Variants in PTPRN2 observed in about 807,000 individuals in gnomAD.
The protein encoded by PTPRN2 is protein tyrosine phosphatase receptor type N2, also known as receptor-type tyrosine-protein phosphatase N2.
A neutral mutation model predicts 118.8 loss-of-function variants in PTPRN2; 74 were observed. The ratio of observed to expected loss-of-function variants is 0.62; its 90% CI spans 0.52 to 0.76. The LOEUF is 0.76. PTPRN2 is among the 30% of genes least tolerant of loss of function. PTPRN2 has a pLI of 0.00. For missense variants in PTPRN2, 1,481 were observed against 1,394.4 expected (o/e 1.06, Z -0.99); for synonymous variants, 641 against 608.0 (o/e 1.05, Z -0.80).
chr7:158,150,042 G>C (rs567321584), intron 6 of PTPRN2, among the ~76,000 whole-genome samples: 2 of 152,178 alleles, frequency 1.3e-5, no homozygotes, highest in East Asian at 3.8e-4. Context: ...TGGCATCAAG[G>C]GCATGAATGA....
chr7:157,794,147 G>T lies in PTPRN2; in HGVS notation c.1788+104526C>A, dbSNP rs1804706355. Among the ~76,000 whole-genome samples, 1 of 151,190 alleles carries T rather than the reference G, an allele frequency of 6.6e-6. No homozygotes were observed. The highest frequency in any genetic ancestry group is 2.4e-5 in the African/African-American group (1 of 41,036). ...GGGCTCGCACCTCCCCTCGTTCTCT[G>T]CTCTGACCCGGGCTCGCACCTCTCC... On this transcript the variant is annotated intron_variant, in intron 12 of 22. Transcript: ENST00000389418. This position sits in a 1 kb window ranked among gnomAD's most constrained non-coding sequence, Gnocchi z 5.2.
At chr7:158,495,286 C>A (rs1304704260) in intron 1 of PTPRN2, among the ~76,000 whole-genome samples, 1 of 152,204 alleles carries the variant, frequency 6.6e-6, no homozygotes, top group East Asian at 1.9e-4. Context: ...ACGAACGCAT[C>A]ATCATAGAAA....
At chr7:158,564,092 G>A (rs1827538562) in intron 1 of PTPRN2, among the ~76,000 whole-genome samples, 1 of 152,228 alleles carries the variant, frequency 6.6e-6, no homozygotes, top group Admixed American at 6.5e-5. Flanking sequence ...TGAGTTAACT[G>A]TTGCCATACG....
At chr7:158,014,687 C>A (rs1204189241) in intron 11 of PTPRN2, among the ~76,000 whole-genome samples, 2 of 151,506 alleles carry the variant, frequency 1.3e-5, no homozygotes, top group African/African-American at 4.9e-5. Flanking sequence ...CCATCCATTT[C>A]TCCCTCTGTC....
chr7:158,413,555 C>T (rs558704187), intron 2 of PTPRN2, among the ~76,000 whole-genome samples: 1 of 152,338 alleles, frequency 6.6e-6, no homozygotes, highest in South Asian at 2.1e-4. Context: ...TTTCCGACTC[C>T]CCTCCCAGAA....
chr7:158,533,799 A>G (rs1825428164), intron 1 of PTPRN2, among the ~76,000 whole-genome samples: 1 of 152,150 alleles, frequency 6.6e-6, no homozygotes, highest in Non-Finnish European at 1.5e-5. Flanking sequence ...TGCCTCGGGG[A>G]TTTCCTCTGA....
At chr7:158,571,948 T>C (rs1828067996) in intron 1 of PTPRN2, among the ~76,000 whole-genome samples, 1 of 152,168 alleles carries the variant, frequency 6.6e-6, no homozygotes, top group Non-Finnish European at 1.5e-5. Context: ...AGTTATTAAG[T>C]GAATTAACCT....
At position 157,597,878 on chromosome 7, in the gene PTPRN2, T is replaced by C. The variant is rs540851230; in HGVS notation, c.2419-2563A>G. Reference sequence around the variant, plus strand: ...TCCGAGTGGTGACATGTGTCATCGGTTTCACAATAATTCAGGAGACAATTA... The same window carrying C: ...TCCGAGTGGTGACATGTGTCATCGGCTTCACAATAATTCAGGAGACAATTA... On this transcript the variant is annotated intron_variant, in intron 16 of 22. Transcript: ENST00000389418. 6.6e-5 allele frequency among the ~76,000 whole-genome samples: 10 copies of C among 152,286 alleles called. No individual in the cohort carries two copies. In the East Asian group the frequency reaches 1.9e-3, roughly 29 times the overall value.
chr7:158,333,812 CAG>C (rs1805001371), intron 2 of PTPRN2, among the ~76,000 whole-genome samples: 1 of 143,856 alleles, frequency 7.0e-6, no homozygotes, highest in Non-Finnish European at 1.5e-5. Flanking sequence ...CTGAGGCCCA[CAG>C]AGGTCACTCA....
At chr7:158,145,100 C>A (rs1223713117) in intron 6 of PTPRN2, among the ~76,000 whole-genome samples, 1 of 150,506 alleles carries the variant, frequency 6.6e-6, no homozygotes, top group African/African-American at 2.5e-5. Flanking sequence ...CACGGCTCGG[C>A]AAGGTTTCCC....
chr7:158,145,066 C>G (rs1349956995), intron 6 of PTPRN2, among the ~76,000 whole-genome samples: 3 of 149,972 alleles, frequency 2.0e-5, no homozygotes, highest in South Asian at 2.1e-4. Flanking sequence ...TCCCTCACAT[C>G]ATCGCGAGAA....
chr7:157,582,261 C>T (rs942464837), intron 17 of PTPRN2, among the ~76,000 whole-genome samples: 11 of 152,214 alleles, frequency 7.2e-5, no homozygotes, highest in African/African-American at 2.7e-4. Flanking sequence ...GGCCTCTTCA[C>T]TCTAGGTCCT....
rs1478203468 is a variant in PTPRN2, at chr7:158,084,328, G to C, written c.1644-2951C>G. Among the ~76,000 whole-genome samples the C allele has an allele frequency of 2.0e-5, 3 of 151,004 alleles. No individual in the cohort carries two copies. In the East Asian group the frequency reaches 6.0e-4, roughly 30 times the overall value. ...TGCTGTGCAGGTGGCAGATGGCTGA[G>C]TGCTGTGTGGTCCAGGTGAGAGGCT... is the stretch of plus-strand genomic sequence containing the variant. On this transcript the variant is annotated intron_variant, in intron 10 of 22. Coordinates refer to ENST00000389418, the MANE Select transcript of PTPRN2 (RefSeq NM_002847.5).
chr7:157,604,086 A>T lies in PTPRN2; in HGVS notation c.2345-11T>A. ...CCCGGGAGTGGTCATCTGCAAGGAC[A>T]CAGTGCAGGGGTCAGAGGAACATTG... is the stretch of plus-strand genomic sequence containing the variant. On this transcript the variant is annotated splice_polypyrimidine_tract_variant and intron_variant, in intron 15 of 22. Transcript: ENST00000389418. 1.9e-6 allele frequency: 3 copies of T among 1,613,328 alleles called. No homozygotes were observed. Among genetic ancestry groups the T allele is most frequent in the Non-Finnish European group, 2.5e-6 (3 of 1,179,720 alleles).
chr7:157,776,259 C>CTCCTCCCTCTCCTCA, intron 12 of PTPRN2, among the ~76,000 whole-genome samples: 1 of 144,208 alleles, frequency 6.9e-6, no homozygotes, highest in African/African-American at 2.6e-5. Flanking sequence ...CCCTCTCCTC[C>CTCCTCCCTCTCCTCA]TCCCTCCTCT....
At chr7:157,712,121 G>C (rs1040972755) in intron 12 of PTPRN2, among the ~76,000 whole-genome samples, 2 of 150,620 alleles carry the variant, frequency 1.3e-5, no homozygotes, top group Admixed American at 6.6e-5. Context: ...GTCGTGGAAG[G>C]GGGGCTGGGT....
chr7:158,289,818 G>A (rs540369211), intron 3 of PTPRN2, among the ~76,000 whole-genome samples: 1 of 152,208 alleles, frequency 6.6e-6, no homozygotes, highest in East Asian at 1.9e-4. Flanking sequence ...GAATGGCTTC[G>A]CCTGGGTAAG....
chr7:157,887,878 T>C (rs999252034), intron 12 of PTPRN2, among the ~76,000 whole-genome samples: 3 of 140,672 alleles, frequency 2.1e-5, no homozygotes, highest in Non-Finnish European at 4.6e-5. Context: ...CTCCCCCCAG[T>C]ACCTGCTCTC....
intron 1 of PTPRN2, among the ~76,000 whole-genome samples, chr7:158,578,286 T>A (rs1445571707): frequency 1.3e-5 from 2 of 151,906 alleles, no homozygotes; most frequent in Admixed American, 6.6e-5. Flanking sequence ...AGTCACCTTT[T>A]TTTTTTTTTG....
Sources: allele counts gnomAD v4.1 joint callset (sites outside exome capture counted in the v4.1 genomes callset), GRCh38; gene constraint gnomAD v4.1.1; non-coding constraint Gnocchi (gnomAD v3.1); transcripts MANE v1.5; gene names NCBI Gene and HGNC (gene_info 2026-07-23, HGNC 2026-07-21).